The following PRKG1 variants were observed in gnomAD, a reference collection of about 807,000 sequenced individuals.
The protein encoded by PRKG1 is cGMP-dependent protein kinase 1.
A neutral mutation model predicts 88.1 loss-of-function variants in PRKG1; 35 were observed. The ratio of observed to expected loss-of-function variants is 0.40; its 90% CI spans 0.30 to 0.53. The LOEUF is 0.53. PRKG1 is among the 20% of genes least tolerant of loss of function. The probability of loss-of-function intolerance (pLI) is 0.59; values close to 1 mark genes in which losing one functional copy is unlikely to be tolerated. For missense variants in PRKG1, 540 were observed against 839.8 expected (o/e 0.64, Z 4.41); for synonymous variants, 303 against 292.5 (o/e 1.04, Z -0.37).
chr10:51,654,740 A>G (rs1270295075), intron 3 of PRKG1, among the ~76,000 whole-genome samples: 1 of 152,114 alleles, frequency 6.6e-6, no homozygotes. Context: ...TAAATCACCT[A>G]TTTATTCTTT....
At chr10:51,932,098 A>G (rs1225743919) in intron 5 of PRKG1, among the ~76,000 whole-genome samples, 1 of 152,058 alleles carries the variant, frequency 6.6e-6, no homozygotes, top group Non-Finnish European at 1.5e-5. Flanking sequence ...AACATTATAA[A>G]TCACTTAGTC....
At chr10:51,834,113 G>C (rs2132759665) in intron 4 of PRKG1, among the ~76,000 whole-genome samples, 1 of 152,142 alleles carries the variant, frequency 6.6e-6, no homozygotes, top group African/African-American at 2.4e-5. Flanking sequence ...ACAGACCACA[G>C]TTTTCCCCCT....
chr10:51,811,719 A>G (rs1839461163), intron 4 of PRKG1, among the ~76,000 whole-genome samples: 1 of 152,198 alleles, frequency 6.6e-6, no homozygotes, highest in Non-Finnish European at 1.5e-5. Flanking sequence ...CATATGTCCT[A>G]GTGTTTTTGC....
At chr10:52,228,154 T>C (rs1011634154) in intron 9 of PRKG1, among the ~76,000 whole-genome samples, 3 of 151,918 alleles carry the variant, frequency 2.0e-5, no homozygotes, top group Non-Finnish European at 4.4e-5. Context: ...TTTTCTTGAA[T>C]AAAAAGAAAA....
intron 3 of PRKG1, among the ~76,000 whole-genome samples, chr10:51,645,996 A>G (rs750041674): frequency 6.6e-6 from 1 of 152,174 alleles, no homozygotes; most frequent in Non-Finnish European, 1.5e-5. Context: ...CTGAACTCTT[A>G]AGTATTGTAA....
chr10:52,137,109 T>C (rs1476126244), intron 8 of PRKG1, among the ~76,000 whole-genome samples: 6 of 152,070 alleles, frequency 3.9e-5, no homozygotes, highest in African/African-American at 1.2e-4. Flanking sequence ...ACATTAGCAC[T>C]GTCAACAAAA....
intron 2 of PRKG1, among the ~76,000 whole-genome samples, chr10:51,283,335 G>GA (rs1234261288): frequency 2.0e-5 from 3 of 151,842 alleles, no homozygotes; most frequent in African/African-American, 2.4e-5. Flanking sequence ...TCCCAATAAG[G>GA]AAAAAAATCC....
At chr10:52,243,949 T>C (rs1015278210) in intron 9 of PRKG1, among the ~76,000 whole-genome samples, 4 of 152,120 alleles carry the variant, frequency 2.6e-5, no homozygotes, top group Non-Finnish European at 5.9e-5. Flanking sequence ...AGTCTATTTC[T>C]GAAAACCACA....
At chr10:51,150,064 T>A (rs1846033384) in intron 1 of PRKG1, among the ~76,000 whole-genome samples, 1 of 152,106 alleles carries the variant, frequency 6.6e-6, no homozygotes, top group Non-Finnish European at 1.5e-5. Flanking sequence ...AATAAATAAT[T>A]TGTACACAAA....
chr10:52,050,307 A>T (rs1478225917), intron 5 of PRKG1, among the ~76,000 whole-genome samples: 1 of 152,078 alleles, frequency 6.6e-6, no homozygotes, highest in Admixed American at 6.6e-5. Context: ...GCCATGTTTG[A>T]GAAACTGGCT....
intron 8 of PRKG1, among the ~76,000 whole-genome samples, chr10:52,152,237 C>A (rs917995893): frequency 4.0e-4 from 61 of 152,078 alleles, no homozygotes; most frequent in African/African-American, 1.4e-3. Context: ...GTCCATCCAG[C>A]TATTTATTAA....
At chr10:51,114,939 A>G (rs776956199) in intron 1 of PRKG1, among the ~76,000 whole-genome samples, 10 of 152,138 alleles carry the variant, frequency 6.6e-5, no homozygotes, top group Non-Finnish European at 1.3e-4. Flanking sequence ...TTATTTGAAT[A>G]TTTGTTTTGG....
chr10:52,255,129 T>G (rs1036936199), intron 10 of PRKG1, among the ~76,000 whole-genome samples: 1 of 152,128 alleles, frequency 6.6e-6, no homozygotes, highest in Admixed American at 6.6e-5. Flanking sequence ...CCATTTATAG[T>G]ATCACTTTCA....
intron 9 of PRKG1, among the ~76,000 whole-genome samples, chr10:52,191,329 A>ATTTT (rs34410355): frequency 1.4e-5 from 2 of 138,336 alleles, no homozygotes; most frequent in Non-Finnish European, 1.6e-5. Context: ...TGCTCCAGCT[A>ATTTT]TTTTTTTTTT....
intron 1 of PRKG1, among the ~76,000 whole-genome samples, chr10:51,036,163 G>A (rs1280207169): frequency 6.6e-6 from 1 of 152,108 alleles, no homozygotes; most frequent in Admixed American, 6.6e-5. Context: ...TTACTACAGA[G>A]CCTACCTATG....
intron 7 of PRKG1, among the ~76,000 whole-genome samples, chr10:52,091,241 C>G (rs746750825): frequency 4.6e-5 from 7 of 152,178 alleles, no homozygotes; most frequent in Non-Finnish European, 1.0e-4. Context: ...TGGCTTCCTC[C>G]ATCTTTAAGC....
intron 5 of PRKG1, among the ~76,000 whole-genome samples, chr10:51,950,580 A>G (rs1843158655): frequency 6.6e-6 from 1 of 152,262 alleles, no homozygotes. Flanking sequence ...AGCACAACAC[A>G]GGAGCAAGCT....
At chr10:51,083,721 T>A (rs909423958) in intron 1 of PRKG1, among the ~76,000 whole-genome samples, 2 of 152,130 alleles carry the variant, frequency 1.3e-5, no homozygotes, top group Non-Finnish European at 2.9e-5. Flanking sequence ...CAATAAAAGA[T>A]CTTGGTGTGT....
At chr10:51,658,496 A>G (rs1027664111) in intron 3 of PRKG1, among the ~76,000 whole-genome samples, 1 of 152,072 alleles carries the variant, frequency 6.6e-6, no homozygotes, top group African/African-American at 2.4e-5. Flanking sequence ...CAAACATGTC[A>G]TGAATCCCAC....
Sources: allele counts gnomAD v4.1 joint callset (sites outside exome capture counted in the v4.1 genomes callset), GRCh38; gene constraint gnomAD v4.1.1; transcripts MANE v1.5; gene names NCBI Gene and HGNC (gene_info 2026-07-23, HGNC 2026-07-21).